Variants in WWOX observed in about 807,000 individuals in gnomAD.
The protein encoded by WWOX is WW domain containing oxidoreductase.
WWOX carries 69 observed loss-of-function variants against 46.2 expected under a neutral mutation model. That is an observed-to-expected ratio of 1.49 (90% CI 1.23 to 1.82). The LOEUF is 1.82. Ranked by LOEUF, WWOX falls within the 40% of genes most tolerant of loss-of-function variation. The pLI is 0.00. For synonymous variants in WWOX, 359 were observed against 202.6 expected (o/e 1.77, Z -6.56); for missense variants, 919 against 542.6 (o/e 1.69, Z -6.89).
At chr16:79,123,171 G>A (rs373263592) in intron 8 of WWOX, among the ~76,000 whole-genome samples, 1 of 152,094 alleles carries the variant, frequency 6.6e-6, no homozygotes, top group Admixed American at 6.5e-5. Flanking sequence ...GTGAGAGGGA[G>A]GACACCGCTG....
Position 78,667,437 on chromosome 16 carries a change from G to A in WWOX, c.1056+234685G>A, listed in dbSNP as rs1054967874. On this transcript the variant is annotated intron_variant, in intron 8 of 8. Transcript: ENST00000566780. ...TGTATTCCCAACACTTTGGGAGGCCGAGGCGGGTGGATCACAAGGTCAGGA... is the reference window on the plus strand; with the variant it reads ...TGTATTCCCAACACTTTGGGAGGCCAAGGCGGGTGGATCACAAGGTCAGGA... 7.9e-5 allele frequency among the ~76,000 whole-genome samples: 12 copies of A among 152,054 alleles called. No individual in the cohort carries two copies. The South Asian group carries it at 1.4e-3, about 18-fold the overall frequency.
chr16:78,989,565 C>G (rs867981590), intron 8 of WWOX, among the ~76,000 whole-genome samples: 4 of 152,132 alleles, frequency 2.6e-5, no homozygotes, highest in South Asian at 2.1e-4. Flanking sequence ...AAAATGTGAA[C>G]TGAAAGACAC....
At chr16:78,770,194 T>C (rs921146310) in intron 8 of WWOX, among the ~76,000 whole-genome samples, 7 of 151,986 alleles carry the variant, frequency 4.6e-5, no homozygotes, top group Non-Finnish European at 1.0e-4. Context: ...CTACTAAAAA[T>C]ACAAAAGTGA....
intron 8 of WWOX, among the ~76,000 whole-genome samples, chr16:78,753,556 T>C (rs1485664107): frequency 4.6e-5 from 7 of 151,730 alleles, no homozygotes; most frequent in East Asian, 3.9e-4. Flanking sequence ...TCCCATCACA[T>C]TGGGAGGCCA....
At chr16:78,239,921 A>G (rs753740741) in intron 5 of WWOX, among the ~76,000 whole-genome samples, 27 of 152,130 alleles carry the variant, frequency 1.8e-4, no homozygotes, top group Non-Finnish European at 3.5e-4. Flanking sequence ...ATACATTCTC[A>G]AAGTCCATGG....
intron 1 of WWOX, among the ~76,000 whole-genome samples, chr16:78,105,457 TC>T (rs1162069938): frequency 2.5e-4 from 29 of 115,268 alleles, no homozygotes; most frequent in African/African-American, 9.3e-4. Flanking sequence ...AGACTCTGTC[TC>T]AAAAAAAAAA....
chr16:78,776,850 C>T (rs573660201), intron 8 of WWOX, among the ~76,000 whole-genome samples: 1 of 152,158 alleles, frequency 6.6e-6, no homozygotes, highest in South Asian at 2.1e-4. Context: ...CGTAAGAACT[C>T]GCTATGTCAA....
intron 1 of WWOX, 194 bp downstream of exon 1, chr16:78,100,079 CG>C: frequency 5.8e-6 from 8 of 1,385,284 alleles, no homozygotes; most frequent in South Asian, 1.7e-5. Context: ...TCGGGTCCAG[CG>C]GGGGTCACCT....
intron 6 of WWOX, among the ~76,000 whole-genome samples, chr16:78,390,589 A>G (rs1474006120): frequency 6.6e-6 from 1 of 152,232 alleles, no homozygotes; most frequent in South Asian, 2.1e-4. Context: ...TGCATAAAAA[A>G]GCGAGAGATT....
At chr16:78,478,397 T>C (rs1037573729) in intron 8 of WWOX, among the ~76,000 whole-genome samples, 9 of 152,196 alleles carry the variant, frequency 5.9e-5, no homozygotes, top group African/African-American at 2.2e-4. Flanking sequence ...AAGCCAATGT[T>C]AGCATGAATG....
At chr16:78,995,930 G>T (rs2151355314) in intron 8 of WWOX, among the ~76,000 whole-genome samples, 1 of 152,248 alleles carries the variant, frequency 6.6e-6, no homozygotes, top group South Asian at 2.1e-4. Context: ...CTCTGTGACA[G>T]TTCGATTAAT....
chr16:78,528,440 G>A (rs1017511072), intron 8 of WWOX, among the ~76,000 whole-genome samples: 1 of 151,902 alleles, frequency 6.6e-6, no homozygotes, highest in Non-Finnish European at 1.5e-5. Context: ...TATTCAAGGT[G>A]CTAATTAGGG....
intron 8 of WWOX, among the ~76,000 whole-genome samples, chr16:78,658,298 G>C (rs555318352): frequency 2.0e-4 from 30 of 152,110 alleles, no homozygotes; most frequent in Non-Finnish European, 2.9e-4. Context: ...GTATTAATAA[G>C]ACCCAAATAA....
At chr16:79,200,845 GC>G (rs1417187098) in intron 8 of WWOX, among the ~76,000 whole-genome samples, 1 of 152,150 alleles carries the variant, frequency 6.6e-6, no homozygotes, top group Non-Finnish European at 1.5e-5. Context: ...CAGGTGACAG[GC>G]GAGTCTCTAT....
intron 8 of WWOX, among the ~76,000 whole-genome samples, chr16:78,972,317 A>G (rs2046486962): frequency 6.6e-6 from 1 of 152,130 alleles, no homozygotes; most frequent in Non-Finnish European, 1.5e-5. Context: ...AATGAATGGA[A>G]AGGATCCAGG....
chr16:78,881,494 T>C (rs7203648), intron 8 of WWOX, among the ~76,000 whole-genome samples: 60,386 of 152,082 alleles, frequency 0.4, 12,390 homozygotes, highest in Middle Eastern at 0.52. Flanking sequence ...AAATTAAATA[T>C]TCAACAAACA....
At chr16:78,671,765 A>G (rs2047470673) in intron 8 of WWOX, among the ~76,000 whole-genome samples, 1 of 152,236 alleles carries the variant, frequency 6.6e-6, no homozygotes, top group South Asian at 2.1e-4. Flanking sequence ...ACATAAGTAT[A>G]TTTAAGAAAG....
intron 8 of WWOX, among the ~76,000 whole-genome samples, chr16:79,061,621 A>C (rs1419135558): frequency 6.6e-6 from 1 of 152,226 alleles, no homozygotes; most frequent in African/African-American, 2.4e-5. Context: ...CTGTGTGAGC[A>C]CTGATCCATG....
intron 5 of WWOX, among the ~76,000 whole-genome samples, chr16:78,363,172 G>T (rs374716788): frequency 1.3e-5 from 2 of 152,120 alleles, no homozygotes; most frequent in Non-Finnish European, 2.9e-5. Context: ...GTATGTGTCT[G>T]TGTGTTCACC....
Sources: gnomAD v4.1 joint callset for allele counts (sites outside exome capture counted in the v4.1 genomes callset) on GRCh38, gnomAD v4.1.1 for gene constraint, MANE v1.5 for transcripts, NCBI Gene and HGNC (gene_info 2026-07-23, HGNC 2026-07-21) for gene names.